The following CADM2 variants were observed in gnomAD, a reference collection of about 807,000 sequenced individuals.
CADM2 encodes cell adhesion molecule 2.
Under a neutral mutation model 49.8 loss-of-function variants are expected in CADM2, and 12 were observed. The ratio of observed to expected loss-of-function variants is 0.24; its 90% CI spans 0.15 to 0.39. The LOEUF is 0.39. CADM2 is among the 10% of genes least tolerant of loss of function. The probability of loss-of-function intolerance (pLI) is 1.00; values close to 1 mark genes in which losing one functional copy is unlikely to be tolerated. For synonymous variants in CADM2, 214 were observed against 175.4 expected (o/e 1.22, Z -1.74); for missense variants, 378 against 492.3 (o/e 0.77, Z 2.20).
At chr3:85,327,590 C>A (rs200949761) in intron 1 of CADM2, among the ~76,000 whole-genome samples, 2,591 of 71,192 alleles carry the variant, frequency 0.036, 33 homozygotes, top group African/African-American at 0.1. Flanking sequence ...ACACACACAC[C>A]ACACACACAC....
At chr3:85,338,818 AT>A (rs2107183884) in intron 1 of CADM2, among the ~76,000 whole-genome samples, 1 of 151,646 alleles carries the variant, frequency 6.6e-6, no homozygotes, top group Non-Finnish European at 1.5e-5. Context: ...AGGAATCCCA[AT>A]AAAATTTTAG....
At chr3:85,633,622 G>T (rs1428992694) in intron 1 of CADM2, among the ~76,000 whole-genome samples, 1 of 151,962 alleles carries the variant, frequency 6.6e-6, no homozygotes, top group South Asian at 2.1e-4. Flanking sequence ...TCATAGTTAA[G>T]AGCCACTAAT....
intron 1 of CADM2, among the ~76,000 whole-genome samples, chr3:85,575,731 A>T (rs183816235): frequency 1.8e-4 from 27 of 152,300 alleles, no homozygotes; most frequent in Non-Finnish European, 3.4e-4. Flanking sequence ...TGACACTTGC[A>T]TGATAGTATG....
chr3:85,897,942 A>T (rs1055098598), intron 5 of CADM2, among the ~76,000 whole-genome samples: 8 of 152,150 alleles, frequency 5.3e-5, no homozygotes, highest in Non-Finnish European at 1.2e-4. Context: ...TATGCCATAG[A>T]TCTGTTATTT....
intron 2 of CADM2, among the ~76,000 whole-genome samples, chr3:85,752,253 G>C (rs781177472): frequency 4.6e-5 from 7 of 152,116 alleles, no homozygotes; most frequent in Non-Finnish European, 1.0e-4. Context: ...ATGAGATTCT[G>C]ACCTTTTTCT....
chr3:86,026,715 G>T (rs1311563109), intron 8 of CADM2, among the ~76,000 whole-genome samples: 1 of 152,108 alleles, frequency 6.6e-6, no homozygotes, highest in Non-Finnish European at 1.5e-5. Context: ...CTTGATACAA[G>T]AGGAGAATTA....
At chr3:85,093,511 T>C (rs986835119) in intron 1 of CADM2, among the ~76,000 whole-genome samples, 8 of 151,824 alleles carry the variant, frequency 5.3e-5, no homozygotes, top group African/African-American at 1.9e-4. Context: ...AAAAGATACA[T>C]CCTTACAAAT....
chr3:85,827,606 T>C (rs750613270), intron 3 of CADM2, among the ~76,000 whole-genome samples: 4 of 151,992 alleles, frequency 2.6e-5, no homozygotes, highest in Non-Finnish European at 4.4e-5. Context: ...CCATTTCTTT[T>C]ATTGTGTAGG....
chr3:86,016,923 G>A (rs1732323071), intron 8 of CADM2, among the ~76,000 whole-genome samples: 1 of 151,890 alleles, frequency 6.6e-6, no homozygotes, highest in Non-Finnish European at 1.5e-5. Flanking sequence ...AACTTTCACT[G>A]ATTTTTTTAA....
intron 3 of CADM2, among the ~76,000 whole-genome samples, chr3:85,806,934 C>T (rs2108101118): frequency 6.6e-6 from 1 of 152,192 alleles, no homozygotes; most frequent in Non-Finnish European, 1.5e-5. Context: ...TTAATGTGAT[C>T]AGTAGCTTGT....
At chr3:85,463,496 T>C (rs2038348596) in intron 1 of CADM2, among the ~76,000 whole-genome samples, 1 of 152,106 alleles carries the variant, frequency 6.6e-6, no homozygotes, top group African/African-American at 2.4e-5. Context: ...AAACTCAGAG[T>C]TTCTTTGCTT....
At chr3:85,825,843 C>T (rs1164504526) in intron 3 of CADM2, among the ~76,000 whole-genome samples, 1 of 151,872 alleles carries the variant, frequency 6.6e-6, no homozygotes, top group East Asian at 1.9e-4. Flanking sequence ...GATTTTAGTA[C>T]CTGTCATCTG....
intron 1 of CADM2, among the ~76,000 whole-genome samples, chr3:85,069,601 A>C (rs1042298247): frequency 6.6e-6 from 1 of 152,008 alleles, no homozygotes; most frequent in African/African-American, 2.4e-5. Context: ...TGGGAAAATC[A>C]TATCTGAATT....
intron 1 of CADM2, among the ~76,000 whole-genome samples, chr3:85,010,814 A>G (rs925413307): frequency 3.6e-5 from 3 of 83,812 alleles, no homozygotes; most frequent in Admixed American, 1.2e-4. Context: ...TTCACCAAAC[A>G]TTTTTCTTTA....
At chr3:85,766,648 C>A (rs1232462629) in intron 2 of CADM2, among the ~76,000 whole-genome samples, 3 of 152,254 alleles carry the variant, frequency 2.0e-5, no homozygotes, top group Middle Eastern at 3.4e-3. Flanking sequence ...ATAAATAATT[C>A]TTTACGTCAG....
chr3:85,205,933 T>C (rs2041620364), intron 1 of CADM2, among the ~76,000 whole-genome samples: 1 of 151,944 alleles, frequency 6.6e-6, no homozygotes. Flanking sequence ...AATTCAAAAA[T>C]AAAAACCTAA....
At chr3:85,438,767 G>T (rs2037049287) in intron 1 of CADM2, among the ~76,000 whole-genome samples, 1 of 151,986 alleles carries the variant, frequency 6.6e-6, no homozygotes, top group Non-Finnish European at 1.5e-5. Context: ...CAAACTCCTT[G>T]GCTCATGTGA....
intron 2 of CADM2, among the ~76,000 whole-genome samples, chr3:85,784,530 T>TTATCTATCTATC (rs71112118): frequency 1.8e-4 from 25 of 142,324 alleles, no homozygotes; most frequent in South Asian, 2.2e-4. Flanking sequence ...CTAAATATAT[T>TTATCTATCTATC]TATCTATCTA....
At chr3:85,588,543 A>C (rs1206963099) in intron 1 of CADM2, among the ~76,000 whole-genome samples, 2 of 152,064 alleles carry the variant, frequency 1.3e-5, no homozygotes, top group Non-Finnish European at 2.9e-5. Context: ...ATCTGATTTG[A>C]GATGTGATTT....
Sources: gnomAD v4.1 joint callset for allele counts (sites outside exome capture counted in the v4.1 genomes callset) on GRCh38, gnomAD v4.1.1 for gene constraint, MANE v1.5 for transcripts, NCBI Gene and HGNC (gene_info 2026-07-23, HGNC 2026-07-21) for gene names.